Variants in SPNS3 observed in about 807,000 individuals in gnomAD.
The protein encoded by SPNS3 is protein spinster homolog 3.
Under a neutral mutation model 54.4 loss-of-function variants are expected in SPNS3, and 51 were observed. The ratio of observed to expected loss-of-function variants is 0.94; its 90% CI spans 0.75 to 1.18. The LOEUF is 1.18. Ranked by LOEUF, SPNS3 falls within the 50% of genes most tolerant of loss-of-function variation. The pLI, the probability that SPNS3 is intolerant of heterozygous loss-of-function variation, is 0.00. For synonymous variants in SPNS3, 309 were observed against 294.7 expected (o/e 1.05, Z -0.50); for missense variants, 669 against 677.4 (o/e 0.99, Z 0.14).
chr17:4,482,129 G>GT (rs1412508403), intron 9 of SPNS3: 1 of 152,224 alleles, frequency 6.6e-6, no homozygotes, highest in Non-Finnish European at 1.5e-5. Context: ...CTCATGATCC[G>GT]CCCCCCTTGG....
At chr17:4,463,111 T>C (rs539757937) in intron 8 of SPNS3, among the ~76,000 whole-genome samples, 1 of 152,038 alleles carries the variant, frequency 6.6e-6, no homozygotes, top group Admixed American at 6.6e-5. Context: ...TTAAAATGAA[T>C]ATACTGGCCG....
chr17:4,477,005 C>G (rs1375424611), intron 8 of SPNS3, among the ~76,000 whole-genome samples: 3 of 152,178 alleles, frequency 2.0e-5, no homozygotes, highest in Admixed American at 1.3e-4. Flanking sequence ...CTTCAGGGCT[C>G]TCCCTGGCGC....
At chr17:4,440,396 C>T (rs910726087) in intron 2 of SPNS3, among the ~76,000 whole-genome samples, 3 of 152,292 alleles carry the variant, frequency 2.0e-5, no homozygotes, top group African/African-American at 4.8e-5. Context: ...CAGCAGGCAC[C>T]GAGGGTCCTC....
intron 9 of SPNS3, among the ~76,000 whole-genome samples, chr17:4,480,641 A>G (rs1972125477): frequency 6.6e-6 from 1 of 152,170 alleles, no homozygotes; most frequent in Admixed American, 6.5e-5. Flanking sequence ...TTGTGGGGTT[A>G]AAGAGGAGAG....
intron 8 of SPNS3, among the ~76,000 whole-genome samples, chr17:4,477,161 G>T (rs560050928): frequency 6.6e-6 from 1 of 152,232 alleles, no homozygotes; most frequent in Non-Finnish European, 1.5e-5. Context: ...AGGCCATCAC[G>T]GCGTGGGGGG....
At chr17:4,463,477 C>T (rs1971595204) in intron 8 of SPNS3, among the ~76,000 whole-genome samples, 1 of 151,210 alleles carries the variant, frequency 6.6e-6, no homozygotes, top group Admixed American at 6.6e-5. Flanking sequence ...CCTGTAATCC[C>T]AGCACTTTGG....
chr17:4,457,509 T>C (rs1164609887), intron 8 of SPNS3, among the ~76,000 whole-genome samples: 1 of 152,236 alleles, frequency 6.6e-6, no homozygotes, highest in Non-Finnish European at 1.5e-5. Flanking sequence ...AGTAAATCCC[T>C]TAATGCTTAT....
chr17:4,450,597 T>G (rs1971136841), intron 7 of SPNS3, among the ~76,000 whole-genome samples: 1 of 149,654 alleles, frequency 6.7e-6, no homozygotes, highest in African/African-American at 2.5e-5. Flanking sequence ...TTTATTTTAT[T>G]TTATTTATTT....
intron 2 of SPNS3, among the ~76,000 whole-genome samples, chr17:4,442,757 A>C (rs1479764370): frequency 1.3e-5 from 2 of 152,304 alleles, no homozygotes; most frequent in East Asian, 3.9e-4. Context: ...AGGTTTTACT[A>C]TTATGTCCAT....
intron 9 of SPNS3, among the ~76,000 whole-genome samples, chr17:4,480,777 G>A (rs1256459755): frequency 6.6e-6 from 1 of 152,128 alleles, no homozygotes; most frequent in Non-Finnish European, 1.5e-5. Flanking sequence ...CCACCTCAGG[G>A]CTCCCTGTGG....
chr17:4,458,363 C>A (rs1971371511), intron 8 of SPNS3, among the ~76,000 whole-genome samples: 1 of 134,582 alleles, frequency 7.4e-6, no homozygotes, highest in Non-Finnish European at 1.7e-5. Flanking sequence ...CTCTCCCTCT[C>A]TCTCTCCCTC....
chr17:4,435,353 T>A (rs952053443), intron 1 of SPNS3, among the ~76,000 whole-genome samples: 11 of 144,918 alleles, frequency 7.6e-5, no homozygotes, highest in African/African-American at 2.8e-4. Flanking sequence ...ACCTGGGAGG[T>A]GGATGTTGCA....
At chr17:4,447,535 G>A (rs940559443) in intron 5 of SPNS3, among the ~76,000 whole-genome samples, 6 of 152,232 alleles carry the variant, frequency 3.9e-5, no homozygotes, top group East Asian at 1.9e-4. Context: ...CAGGCTGCGC[G>A]CAGACCACTG....
chr17:4,434,722 G>A (rs1970669892), intron 1 of SPNS3, among the ~76,000 whole-genome samples: 1 of 151,590 alleles, frequency 6.6e-6, no homozygotes, highest in Non-Finnish European at 1.5e-5. Context: ...TAGTCAGGCT[G>A]GTCTCGAACT....
At chr17:4,442,545 AAAAG>A (rs1970879898) in intron 2 of SPNS3, among the ~76,000 whole-genome samples, 1 of 152,046 alleles carries the variant, frequency 6.6e-6, no homozygotes, top group Non-Finnish European at 1.5e-5. Flanking sequence ...AAAAAACAAA[AAAAG>A]AGAAGAGGAG....
chr17:4,485,264 A>G (rs948371159), intron 9 of SPNS3: 3 of 152,198 alleles, frequency 2.0e-5, no homozygotes, highest in Non-Finnish European at 4.4e-5. Flanking sequence ...CAAGATCAGT[A>G]CCATTATTAC....
At chr17:4,439,099 C>T (rs1970783334) in intron 1 of SPNS3, among the ~76,000 whole-genome samples, 1 of 151,708 alleles carries the variant, frequency 6.6e-6, no homozygotes, top group Non-Finnish European at 1.5e-5. Flanking sequence ...ATGTCTGTGC[C>T]TTTGGGATGC....
intron 7 of SPNS3, among the ~76,000 whole-genome samples, chr17:4,450,205 C>A (rs1262369160): frequency 6.6e-6 from 1 of 151,902 alleles, no homozygotes. Context: ...TGGCGACACT[C>A]GTCCTCTGCT....
At chr17:4,485,761 C>T (rs566203589) in intron 9 of SPNS3, among the ~76,000 whole-genome samples, 157 of 152,330 alleles carry the variant, frequency 1.0e-3, no homozygotes, top group African/African-American at 3.6e-3. Flanking sequence ...CCAGCAAGGC[C>T]GCCTTTGGTC....
Sources: gnomAD v4.1 joint callset for allele counts (sites outside exome capture counted in the v4.1 genomes callset) on GRCh38, gnomAD v4.1.1 for gene constraint, MANE v1.5 for transcripts, NCBI Gene and HGNC (gene_info 2026-07-23, HGNC 2026-07-21) for gene names.